Variants in TNIP3 observed in about 807,000 individuals in gnomAD.
The protein encoded by TNIP3 is TNFAIP3 interacting protein 3.
In TNIP3, 34 loss-of-function variants were observed where a neutral mutation model predicts 54.1. The ratio of observed to expected loss-of-function variants is 0.63; its 90% CI spans 0.48 to 0.84. TNIP3 has a LOEUF of 0.84. Ranked by LOEUF, TNIP3 falls within the 40% of genes least tolerant of loss-of-function variation. The pLI, the probability that TNIP3 is intolerant of heterozygous loss-of-function variation, is 0.00. For missense variants in TNIP3, 366 were observed against 387.6 expected, an observed-to-expected ratio of 0.94 and a Z score of 0.47; for synonymous variants, 134 against 136.8, an observed-to-expected ratio of 0.98 and a Z score of 0.14.
At chr4:121,196,603 C>T (rs919886112) in intron 2 of TNIP3, among the ~76,000 whole-genome samples, 2 of 151,188 alleles carry the variant, frequency 1.3e-5, no homozygotes, top group South Asian at 2.1e-4. Context: ...AAAGTATATA[C>T]AGCTTTGAAG....
chr4:121,189,173 A>G (rs1307676290), intron 2 of TNIP3, among the ~76,000 whole-genome samples: 2 of 152,230 alleles, frequency 1.3e-5, no homozygotes, highest in Non-Finnish European at 2.9e-5. Flanking sequence ...AGCCAAAATA[A>G]GAATTTAGGA....
intron 3 of TNIP3, among the ~76,000 whole-genome samples, chr4:121,170,531 C>T (rs1480738003): frequency 6.6e-6 from 1 of 152,062 alleles, no homozygotes; most frequent in African/African-American, 2.4e-5. Flanking sequence ...TTACTTCATC[C>T]TATTTTGGTT....
chr4:121,154,503 A>G (rs1729958600), intron 5 of TNIP3, 48 bp downstream of exon 5: 1 of 1,608,734 alleles, frequency 6.2e-7, no homozygotes, highest in African/African-American at 1.3e-5. Flanking sequence ...AGAATGTTTT[A>G]TGCAGGGACT....
intron 5 of TNIP3, among the ~76,000 whole-genome samples, chr4:121,151,084 C>A (rs1425940422): frequency 1.3e-5 from 2 of 152,152 alleles, no homozygotes; most frequent in Non-Finnish European, 2.9e-5. Context: ...ATTTTGAAGA[C>A]CTTTGGTTCA....
intron 7 of TNIP3, 94 bp downstream of exon 7, chr4:121,146,955 A>C: frequency 2.1e-6 from 3 of 1,414,066 alleles, no homozygotes; most frequent in Non-Finnish European, 2.8e-6. Flanking sequence ...AAAAAATTCA[A>C]TGTCAATTAA....
chr4:121,141,216 A>G (rs1050159894), intron 9 of TNIP3, among the ~76,000 whole-genome samples: 4 of 152,184 alleles, frequency 2.6e-5, no homozygotes, highest in Non-Finnish European at 4.4e-5. Flanking sequence ...GAGAAGGAAA[A>G]AAAGGGTGCT....
chr4:121,188,987 A>T (rs561769862), intron 2 of TNIP3, among the ~76,000 whole-genome samples: 1 of 152,332 alleles, frequency 6.6e-6, no homozygotes, highest in East Asian at 1.9e-4. Context: ...TTATGGTTAC[A>T]TGGTACGGTT....
At position 121,138,324 on chromosome 4, in the gene TNIP3, G is replaced by T. The variant is rs556406043; in HGVS notation, c.946+300C>A. On this transcript the variant is annotated intron_variant, in intron 10 of 10. Transcript: ENST00000057513. Reference sequence around the variant, plus strand: ...TGTAGTACAATTGCAGAGCTTTGTTGTTGTTATAATACAGCTCTGCTTACA... The same window carrying T: ...TGTAGTACAATTGCAGAGCTTTGTTTTTGTTATAATACAGCTCTGCTTACA... 2.0e-5 allele frequency among the ~76,000 whole-genome samples: 3 copies of T among 152,330 alleles called. No individual in the cohort carries two copies. In the South Asian group the frequency reaches 6.2e-4, roughly 32 times the overall value.
At chr4:121,164,368 A>G, upstream of TNIP3, 1 of 1,258,216 alleles carries the variant, frequency 7.9e-7, no homozygotes, top group Non-Finnish European at 1.0e-6. Context: ...CTTCTCTTCC[A>G]AATAGGGATT....
chr4:121,153,623 A>G (rs1729895846), intron 5 of TNIP3, among the ~76,000 whole-genome samples: 1 of 152,214 alleles, frequency 6.6e-6, no homozygotes, highest in African/African-American at 2.4e-5. Context: ...AACTTGTCCC[A>G]CACACAGATC....
chr4:121,227,327 A>G (rs1727299081), intron 1 of TNIP3: 2 of 1,507,324 alleles, frequency 1.3e-6, no homozygotes, highest in Non-Finnish European at 1.8e-6. Flanking sequence ...TTAAGTTACA[A>G]CCAACCCTGG....
intron 6 of TNIP3, 81 bp from the exon 7 acceptor site, chr4:121,147,255 G>A: frequency 1.3e-6 from 2 of 1,504,772 alleles, no homozygotes; most frequent in Admixed American, 4.2e-5. Context: ...AATGACTGCT[G>A]CCTACTCCAT....
chr4:121,201,404 G>A (rs1195327715), intron 2 of TNIP3, among the ~76,000 whole-genome samples: 1 of 152,090 alleles, frequency 6.6e-6, no homozygotes, highest in African/African-American at 2.4e-5. Flanking sequence ...TTTAAAATTA[G>A]TTTTTAAGCA....
intron 9 of TNIP3, among the ~76,000 whole-genome samples, chr4:121,141,532 T>C (rs766180075): frequency 1.3e-5 from 2 of 152,194 alleles, no homozygotes; most frequent in Non-Finnish European, 2.9e-5. Flanking sequence ...AAAATGTCCT[T>C]TGGGTAGAAT....
chr4:121,132,731 G>C, intron 10 of TNIP3, 69 bp from the exon 11 acceptor site: 1 of 1,440,100 alleles, frequency 6.9e-7, no homozygotes. Context: ...TCTGGCTTAA[G>C]GCTGACATAA....
At chr4:121,194,332 CA>C (rs1273562174) in intron 2 of TNIP3, among the ~76,000 whole-genome samples, 2 of 151,796 alleles carry the variant, frequency 1.3e-5, no homozygotes, top group African/African-American at 4.8e-5. Context: ...TTTATAAGTG[CA>C]AAAAAGCAAT....
upstream of TNIP3, among the ~76,000 whole-genome samples, chr4:121,165,381 C>T (rs1204530817): frequency 6.6e-6 from 1 of 151,914 alleles, no homozygotes; most frequent in African/African-American, 2.4e-5. Flanking sequence ...TCAGATGTCT[C>T]CTCTCTGGGC....
At chr4:121,157,897 T>C (rs1185496422) in intron 3 of TNIP3, among the ~76,000 whole-genome samples, 2 of 152,198 alleles carry the variant, frequency 1.3e-5, no homozygotes, top group African/African-American at 4.8e-5. Context: ...CAGATCCGGA[T>C]TGCCCCAGCA....
At chr4:121,149,929 G>C (rs1286395148) in intron 6 of TNIP3, among the ~76,000 whole-genome samples, 174 bp downstream of exon 6, 1 of 152,198 alleles carries the variant, frequency 6.6e-6, no homozygotes, top group African/African-American at 2.4e-5. Flanking sequence ...TGGTGGGACT[G>C]AACTAGCTGA....
Sources: allele counts gnomAD v4.1 joint callset (sites outside exome capture counted in the v4.1 genomes callset), GRCh38; gene constraint gnomAD v4.1.1; transcripts MANE v1.5; gene names NCBI Gene and HGNC (gene_info 2026-07-23, HGNC 2026-07-21).